Variants in COLEC10 observed in about 807,000 individuals in gnomAD.
COLEC10 encodes collectin subfamily member 10, also known as collectin-10.
COLEC10 carries 22 observed loss-of-function variants against 28.4 expected under a neutral mutation model. That is an observed-to-expected ratio of 0.78 (90% confidence interval 0.55 to 1.11). The LOEUF (loss-of-function observed/expected upper bound fraction) is 1.11. Among genes scored for constraint, COLEC10 ranks in the 50% least tolerant of loss-of-function variants. COLEC10 has a pLI of 0.00. For synonymous variants in COLEC10, 125 were observed against 116.1 expected (o/e 1.08, Z -0.49); for missense variants, 361 against 344.1 (o/e 1.05, Z -0.39).
At chr8:119,076,433 T>G (rs1815238473) in intron 1 of COLEC10, among the ~76,000 whole-genome samples, 7 of 152,084 alleles carry the variant, frequency 4.6e-5, no homozygotes, top group African/African-American at 1.7e-4. Flanking sequence ...AGCTAATTTT[T>G]TGTATTTTTA....
At chr8:119,028,174 T>C (rs1396601636) in intron 2 of COLEC10, among the ~76,000 whole-genome samples, 1 of 152,136 alleles carries the variant, frequency 6.6e-6, no homozygotes, top group Non-Finnish European at 1.5e-5. Context: ...CTTTGTTTCT[T>C]GGCATCTTAG....
chr8:118,997,096 A>C (rs563284412), intron 1 of COLEC10, among the ~76,000 whole-genome samples: 1 of 152,202 alleles, frequency 6.6e-6, no homozygotes, highest in Non-Finnish European at 1.5e-5. Flanking sequence ...TTCTTTGGAT[A>C]TATTTCTATT....
upstream of COLEC10, among the ~76,000 whole-genome samples, chr8:118,993,712 G>A (rs889312939): frequency 6.6e-6 from 1 of 152,094 alleles, no homozygotes; most frequent in East Asian, 1.9e-4. Context: ...AAAGACACTG[G>A]TCATATTAAA....
chr8:119,011,807 T>A (rs1386754862), intron 2 of COLEC10, among the ~76,000 whole-genome samples: 2 of 151,132 alleles, frequency 1.3e-5, no homozygotes, highest in East Asian at 3.9e-4. Flanking sequence ...TTACCTCATA[T>A]CCTTGCAACC....
At chr8:119,087,773 A>C (rs1340384279) in intron 1 of COLEC10, among the ~76,000 whole-genome samples, 1 of 152,188 alleles carries the variant, frequency 6.6e-6, no homozygotes, top group Non-Finnish European at 1.5e-5. Flanking sequence ...GGACAACGGT[A>C]TACCATGATG....
the COLEC10 span, among the ~76,000 whole-genome samples, chr8:118,972,480 A>G: frequency 2.4e-4 from 36 of 152,046 alleles, no homozygotes; most frequent in Non-Finnish European, 7.4e-5. Context: ...TCTAAATGTA[A>G]TGACTACTTG....
At chr8:119,065,855 C>CAA (rs3083298), upstream of COLEC10, among the ~76,000 whole-genome samples, 36,204 of 137,214 alleles carry the variant, frequency 0.26, 4,978 homozygotes, top group East Asian at 0.53. Context: ...GACTCCATCT[C>CAA]AAAAAAAAAA....
the COLEC10 span, among the ~76,000 whole-genome samples, chr8:118,985,133 T>A: frequency 6.6e-6 from 1 of 152,072 alleles, no homozygotes; most frequent in Non-Finnish European, 1.5e-5. Context: ...AGAGAGAGCA[T>A]GGCCCTTCCA....
rs1468883706 is a variant in COLEC10, at chr8:119,069,620, AAAAAAAAAAATATATATATATATAT to A, written c.148+2193_148+2217del. 2.9e-3 allele frequency among the ~76,000 whole-genome samples: 213 copies of A among 72,744 alleles called. 4 individuals carry two copies. The highest frequency in any genetic ancestry group is 0.012 in the African/African-American group (188 of 15,456). The allele number at this position is 72,744 out of a possible 152,430, so 47.7% of individuals were successfully genotyped here. On this transcript the variant is annotated intron_variant, in intron 1 of 5. Transcript: ENST00000332843. ...GACCCCATCTCAAAAAAAAAAAAAA[AAAAAAAAAAATATATATATATATAT>A]ATATATATATATATATGTAAACTGC...
chr8:119,024,777 G>A (rs1421043118), intron 2 of COLEC10, among the ~76,000 whole-genome samples: 2 of 152,126 alleles, frequency 1.3e-5, no homozygotes, highest in South Asian at 4.1e-4. Flanking sequence ...GGCCTCAGGA[G>A]AAGTCATCTG....
chr8:119,068,968 T>C (rs1191639894), intron 1 of COLEC10, among the ~76,000 whole-genome samples: 23 of 151,790 alleles, frequency 1.5e-4, no homozygotes, highest in Admixed American at 1.5e-3. Flanking sequence ...ATAAAATAAA[T>C]TCTTAATAAA....
At chr8:119,068,684 C>G (rs1433943483) in intron 1 of COLEC10, 1 of 152,082 alleles carries the variant, frequency 6.6e-6, no homozygotes, top group Non-Finnish European at 1.5e-5. Flanking sequence ...ATTAGAAACC[C>G]TGTTAAAACT....
chr8:119,048,618 A>G (rs906508938), intron 2 of COLEC10, among the ~76,000 whole-genome samples: 1 of 151,830 alleles, frequency 6.6e-6, no homozygotes, highest in South Asian at 2.1e-4. Context: ...CTTAATTTTC[A>G]TTGGTTTAAA....
chr8:119,075,769 C>T (rs372846236), intron 1 of COLEC10, among the ~76,000 whole-genome samples: 5 of 152,188 alleles, frequency 3.3e-5, no homozygotes, highest in African/African-American at 1.2e-4. Context: ...AGGAGAAACC[C>T]TGTGCCCCCC....
Position 119,080,975 on chromosome 8 carries a change from G to A in COLEC10, c.149-8705G>A, listed in dbSNP as rs117674131. Reference sequence around the variant, plus strand: ...GTATTTTGAATATAATTTTAATCATGGTAATGTTACTGTAATCCTTTTATT... The same window carrying A: ...GTATTTTGAATATAATTTTAATCATAGTAATGTTACTGTAATCCTTTTATT... On this transcript the variant is annotated intron_variant, in intron 1 of 5. Transcript: ENST00000332843. 3.1e-4 allele frequency among the ~76,000 whole-genome samples: 47 copies of A among 152,074 alleles called. No individual in the cohort carries two copies. The East Asian group carries it at 8.9e-3, about 29-fold the overall frequency.
At chr8:119,102,023 C>T (rs1215499020) in intron 3 of COLEC10, among the ~76,000 whole-genome samples, 1 of 152,084 alleles carries the variant, frequency 6.6e-6, no homozygotes, top group Non-Finnish European at 1.5e-5. Context: ...AATTCAAATT[C>T]TTCTTACAAA....
intron 2 of COLEC10, among the ~76,000 whole-genome samples, chr8:119,054,600 T>A (rs1814732497): frequency 1.3e-5 from 2 of 152,092 alleles, no homozygotes; most frequent in African/African-American, 4.8e-5. Context: ...TAGTTATATA[T>A]CCTTATGGCA....
chr8:119,041,857 G>A (rs914478048), intron 2 of COLEC10, among the ~76,000 whole-genome samples: 9 of 152,114 alleles, frequency 5.9e-5, no homozygotes, highest in Non-Finnish European at 2.9e-5. Context: ...TCAATCTAGA[G>A]TGGTGAATGA....
chr8:119,100,207 G>A (rs1257815416), intron 3 of COLEC10, among the ~76,000 whole-genome samples: 1 of 152,024 alleles, frequency 6.6e-6, no homozygotes, highest in Non-Finnish European at 1.5e-5. Flanking sequence ...CATGAAAGGG[G>A]GGTTAGAAAT....
Sources: gnomAD v4.1 joint callset for allele counts (sites outside exome capture counted in the v4.1 genomes callset) on GRCh38, gnomAD v4.1.1 for gene constraint, MANE v1.5 for transcripts, NCBI Gene and HGNC (gene_info 2026-07-23, HGNC 2026-07-21) for gene names.